The following MYO6 variants were observed in gnomAD, a reference collection of about 807,000 sequenced individuals.
MYO6 encodes myosin VI.
Under a neutral mutation model 178.7 loss-of-function variants are expected in MYO6, and 74 were observed. The observed-to-expected ratio is 0.41, with a 90% confidence interval of 0.34 to 0.50. The LOEUF is 0.50. Among genes scored for constraint, MYO6 ranks in the 20% least tolerant of loss-of-function variants. MYO6 has a pLI of 0.09. For synonymous variants in MYO6, 477 were observed against 504.6 expected, an observed-to-expected ratio of 0.95 and a Z score of 0.73; for missense variants, 1,330 against 1,547.4, an observed-to-expected ratio of 0.86 and a Z score of 2.36.
In MYO6 at chr6:75,879,707, A is replaced by T. The variant is rs952323280; in HGVS notation, c.2078-113A>T. On this transcript the variant is annotated intron_variant, in intron 20 of 34. Transcript: ENST00000369977. ...CCTATATAATATTTAGTTGCTGATA[A>T]TTCTCATAAATTGCCCGTTTCTAAA... The T allele has an allele frequency of 9.1e-6, 13 of 1,433,636 alleles. No homozygotes were observed. The African/African-American group carries it at 1.8e-4, about 20-fold the overall frequency. 88.8% of individuals were successfully genotyped at this position (1,433,636 alleles called of 1,614,324 possible).
At chr6:75,905,325 C>A (rs1193562055) in intron 30 of MYO6, among the ~76,000 whole-genome samples, 1 of 152,240 alleles carries the variant, frequency 6.6e-6, no homozygotes, top group Non-Finnish European at 1.5e-5. Context: ...CCCAGCCTCA[C>A]TGCCGCCTTG....
chr6:75,766,090 A>G (rs911602993), intron 1 of MYO6, among the ~76,000 whole-genome samples: 2 of 152,170 alleles, frequency 1.3e-5, no homozygotes, highest in African/African-American at 4.8e-5. Context: ...TTGAAGGCCG[A>G]GGCGGGCAGA....
At chr6:75,860,635 A>G (rs1442656299) in intron 14 of MYO6, among the ~76,000 whole-genome samples, 2 of 152,248 alleles carry the variant, frequency 1.3e-5, no homozygotes, top group African/African-American at 4.8e-5. Context: ...ATGTTAAAAC[A>G]TATTTACTTA....
intron 1 of MYO6, among the ~76,000 whole-genome samples, chr6:75,806,010 A>G (rs1477788436): frequency 2.6e-5 from 4 of 152,214 alleles, no homozygotes; most frequent in African/African-American, 4.8e-5. Context: ...GGGAACAGAT[A>G]TTAACATATC....
chr6:75,816,513 G>A (rs908978817), intron 1 of MYO6, among the ~76,000 whole-genome samples: 9 of 152,292 alleles, frequency 5.9e-5, no homozygotes, highest in African/African-American at 2.2e-4. Context: ...GACCTTGATT[G>A]GAGTGTTTCA....
intron 33 of MYO6, among the ~76,000 whole-genome samples, chr6:75,913,753 T>C (rs1240050710): frequency 6.6e-6 from 1 of 151,992 alleles, no homozygotes; most frequent in Non-Finnish European, 1.5e-5. Flanking sequence ...GCCGTGTGAG[T>C]TTATTTTAGG....
chr6:75,765,755 C>A (rs115351776), intron 1 of MYO6, among the ~76,000 whole-genome samples: 292 of 151,968 alleles, frequency 1.9e-3, no homozygotes, highest in African/African-American at 6.7e-3. Flanking sequence ...AGGCTAGGCT[C>A]AGTGATTTAT....
At chr6:75,767,520 CTT>C (rs1002645261) in intron 1 of MYO6, among the ~76,000 whole-genome samples, 131 of 131,180 alleles carry the variant, frequency 1.0e-3, no homozygotes, top group African/African-American at 3.0e-3. Context: ...TTACAAATTC[CTT>C]TTTTTTTTTT....
chr6:75,831,342 T>C (rs964088693), intron 5 of MYO6, among the ~76,000 whole-genome samples: 1 of 152,162 alleles, frequency 6.6e-6, no homozygotes, highest in African/African-American at 2.4e-5. Context: ...CCAGATTTGG[T>C]TGACCTGTAT....
chr6:75,767,555 T>C (rs1405184368), intron 1 of MYO6, among the ~76,000 whole-genome samples: 3 of 148,082 alleles, frequency 2.0e-5, no homozygotes, highest in Non-Finnish European at 4.5e-5. Context: ...AGAGTCTCAC[T>C]GTTGCTCAGG....
At chr6:75,910,889 A>G (rs1257265508) in intron 32 of MYO6, among the ~76,000 whole-genome samples, 1 of 152,112 alleles carries the variant, frequency 6.6e-6, no homozygotes, top group Admixed American at 6.5e-5. Context: ...TAGAAGGAAC[A>G]ATTCATTAAT....
At chr6:75,819,218 T>G (rs1157568043) in intron 2 of MYO6, among the ~76,000 whole-genome samples, 4 of 152,210 alleles carry the variant, frequency 2.6e-5, no homozygotes, top group Non-Finnish European at 5.9e-5. Flanking sequence ...AAGTGTACGT[T>G]TTTTCCACAA....
intron 20 of MYO6, 54 bp downstream of exon 20, chr6:75,873,354 T>A (rs532097905): frequency 1.6e-6 from 2 of 1,273,758 alleles, no homozygotes; most frequent in Non-Finnish European, 2.3e-6. Context: ...CAAATACAAT[T>A]TAATAGGTTC....
In MYO6 at chr6:75,867,168, A is replaced by G. The variant is rs1356602183; in HGVS notation, c.1944+63A>G. ...AAATGAAATTATTGTTTTATATTCT[A>G]AAATGGATAATGTAGATCACTGTCA... On this transcript the variant is annotated intron_variant, in intron 18 of 34. Transcript: ENST00000369977. The G allele has an allele frequency of 3.1e-6, 4 of 1,310,986 alleles. No homozygotes were observed. In the African/African-American group the frequency reaches 4.5e-5, roughly 15 times the overall value. The allele number at this position is 1,310,986 out of a possible 1,614,324, so 81.2% of individuals were successfully genotyped here. A position where few individuals can be genotyped will look rare whatever the true frequency, so the allele number is the denominator to read the frequency against.
chr6:75,908,609 A>G lies in MYO6; in HGVS notation c.3394A>G (p.Lys1132Glu). ...TACTGAAACAGAGCAACGTGCTCCA[A>G]AGTCTGTTACTGATTATGGTAAAGA... is the stretch of plus-strand genomic sequence containing the variant. Reference protein sequence around the residue: ...RNTETEQRAPKSVTDYDFAPF... With the variant: ...RNTETEQRAPESVTDYDFAPF... The change falls in exon 32 of 35, where the codon AAG becomes GAG. Residue 1132 changes from lysine (K) to glutamate (E), a missense_variant. Physicochemically the swap from Lys to Glu is moderately conservative, Grantham distance 56. This residue lies in a region of MYO6 where 601 missense variants were observed against 626.1 expected (regional missense o/e 0.96). Coordinates refer to ENST00000369977, the MANE Select transcript of MYO6 (RefSeq NM_004999.4). The G allele has an allele frequency of 1.9e-6, 3 of 1,613,602 alleles. No homozygotes were observed. Among genetic ancestry groups the G allele is most frequent in the South Asian group, 1.1e-5 (1 of 91,074 alleles).
In MYO6 at chr6:75,891,223, A is replaced by G. The variant is rs1188619047; in HGVS notation, c.2868-5A>G. On this transcript the variant is annotated splice_region_variant and splice_polypyrimidine_tract_variant and intron_variant, in intron 26 of 34. Transcript: ENST00000369977. ...ATTTTTGAAGAGTTTTCTATTTTTT[A>G]TTAGGAAACTTGAGATGGAAGCAAA... is the stretch of plus-strand genomic sequence containing the variant. 5.0e-6 allele frequency: 8 copies of G among 1,592,308 alleles called. No individual in the cohort carries two copies. Among genetic ancestry groups the G allele is most frequent in the African/African-American group, 1.3e-5 (1 of 74,238 alleles).
intron 29 of MYO6, 45 bp from the exon 30 acceptor site, chr6:75,898,328 G>A (rs1335738605): frequency 7.8e-7 from 1 of 1,285,076 alleles, no homozygotes; most frequent in African/African-American, 1.5e-5. Context: ...AATTTATGTA[G>A]TATGACTTTT....
intron 19 of MYO6, 85 bp from the exon 20 acceptor site, chr6:75,873,122 T>C: frequency 9.7e-7 from 1 of 1,032,426 alleles, no homozygotes; most frequent in Non-Finnish European, 1.5e-6. Flanking sequence ...AATGTTAATA[T>C]GCTTTGAAAG....
intron 1 of MYO6, among the ~76,000 whole-genome samples, chr6:75,806,746 C>T (rs1770134411): frequency 6.6e-6 from 1 of 152,196 alleles, no homozygotes; most frequent in South Asian, 2.1e-4. Flanking sequence ...CTAGCCAGAC[C>T]CACCCCTTTA....
Sources: gnomAD v4.1 joint callset for allele counts (sites outside exome capture counted in the v4.1 genomes callset) on GRCh38, gnomAD v4.1.1 for gene constraint, gnomAD v4.1.1 regional missense constraint, MANE v1.5 for transcripts, NCBI Gene and HGNC (gene_info 2026-07-23, HGNC 2026-07-21) for gene names.